FAM184B: variants seen among roughly 807,000 people sequenced by gnomAD.
FAM184B encodes family with sequence similarity 184 member B.
In FAM184B, 111 loss-of-function variants were observed where a neutral mutation model predicts 135.9. The ratio of observed to expected loss-of-function variants is 0.82; its 90% CI spans 0.70 to 0.96. The LOEUF is 0.96. Among genes scored for constraint, FAM184B ranks in the 40% least tolerant of loss-of-function variants. FAM184B has a pLI of 0.00. For missense variants in FAM184B, 1,375 were observed against 1,323.9 expected (o/e 1.04, Z -0.60); for synonymous variants, 552 against 524.8 (o/e 1.05, Z -0.71).
intron 1 of FAM184B, among the ~76,000 whole-genome samples, chr4:17,712,903 AATC>A (rs1369648691): frequency 2.0e-5 from 3 of 152,216 alleles, no homozygotes; most frequent in Admixed American, 1.3e-4. Flanking sequence ...TTCATTACAA[AATC>A]ATCATCGACG....
intron 6 of FAM184B, among the ~76,000 whole-genome samples, chr4:17,691,855 C>A (rs1716743383): frequency 6.6e-6 from 1 of 151,922 alleles, no homozygotes; most frequent in Non-Finnish European, 1.5e-5. Flanking sequence ...GAGACTGAGA[C>A]CATCCTGGCC....
chr4:17,693,074 A>G (rs1716772011), intron 6 of FAM184B, among the ~76,000 whole-genome samples: 1 of 151,936 alleles, frequency 6.6e-6, no homozygotes, highest in African/African-American at 2.4e-5. Context: ...AACCAACACC[A>G]GCGGCCTCCT....
intron 1 of FAM184B, among the ~76,000 whole-genome samples, chr4:17,751,986 G>A (rs1235725070): frequency 1.4e-5 from 2 of 148,014 alleles, no homozygotes; most frequent in Non-Finnish European, 3.0e-5. Flanking sequence ...AAAAAAAAAA[G>A]AACTGGCTGG....
intron 1 of FAM184B, among the ~76,000 whole-genome samples, chr4:17,738,606 C>A (rs1004561248): frequency 6.6e-6 from 1 of 151,988 alleles, no homozygotes. Context: ...GAGAACTGGG[C>A]CATGAACCCA....
chr4:17,639,560 TGTG>T (rs1348216838), intron 13 of FAM184B, among the ~76,000 whole-genome samples, 164 bp from the exon 14 acceptor site: 2 of 152,156 alleles, frequency 1.3e-5, no homozygotes, highest in Non-Finnish European at 2.9e-5. Flanking sequence ...TCTCTTGAGT[TGTG>T]GAGTCCAGGA....
chr4:17,691,659 CT>C (rs1192034327), intron 6 of FAM184B, among the ~76,000 whole-genome samples: 2 of 137,916 alleles, frequency 1.5e-5, no homozygotes, highest in African/African-American at 2.8e-5. Context: ...GCACTCCAGC[CT>C]GGGCGATAGA....
intron 1 of FAM184B, among the ~76,000 whole-genome samples, chr4:17,757,607 G>T (rs1718451141): frequency 6.6e-6 from 1 of 152,138 alleles, no homozygotes. Flanking sequence ...GATATAAAAT[G>T]ATTCAGGTGT....
Position 17,759,492 on chromosome 4 carries a change from TTTTTTTC to T in FAM184B, c.141+21660_141+21666del, listed in dbSNP as rs374135472. Among the ~76,000 whole-genome samples, 92 of 152,196 alleles carry T rather than the reference TTTTTTTC, an allele frequency of 6.0e-4. 1 individual carries two copies. Among genetic ancestry groups the T allele is most frequent in the Admixed American group, 1.4e-3 (22 of 15,276 alleles). On this transcript the variant is annotated intron_variant, in intron 1 of 17. Coordinates refer to ENST00000265018, the MANE Select transcript of FAM184B (RefSeq NM_015688.2). ...TACATTACCCAGTTTCAGGTATGTCTTTTTTTCTTTTTTCTTTTTTCTTTTTTTGAGA... is the reference window on the plus strand; with the variant it reads ...TACATTACCCAGTTTCAGGTATGTCTTTTTTTCTTTTTTCTTTTTTTGAGA...
intron 1 of FAM184B, among the ~76,000 whole-genome samples, chr4:17,724,505 C>A (rs926206968): frequency 1.3e-5 from 2 of 152,186 alleles, no homozygotes; most frequent in Non-Finnish European, 2.9e-5. Context: ...TGGTGAGAAA[C>A]CAAAATTGGT....
intron 7 of FAM184B, among the ~76,000 whole-genome samples, chr4:17,678,205 C>A (rs1716359215): frequency 6.6e-6 from 1 of 152,066 alleles, no homozygotes; most frequent in South Asian, 2.1e-4. Context: ...AAAGGGCATC[C>A]AAATCAGTAA....
chr4:17,705,937 G>C lies in FAM184B; in HGVS notation c.1031-46C>G, dbSNP rs1383470422. 3.2e-6 allele frequency: 5 copies of C among 1,549,442 alleles called. No individual in the cohort carries two copies. In the African/African-American group the frequency reaches 5.5e-5, roughly 17 times the overall value. The stretch of plus-strand genomic sequence containing the variant: ...ATTATTTGGAATGCTCTTGGCCATG[G>C]CCTCTTGTTCAAGGCTTTCTGCTGT... On this transcript the variant is annotated intron_variant, in intron 3 of 17. Transcript: ENST00000265018.
chr4:17,728,632 G>A (rs868176633), intron 1 of FAM184B, among the ~76,000 whole-genome samples: 1 of 152,306 alleles, frequency 6.6e-6, no homozygotes, highest in Middle Eastern at 3.4e-3. Flanking sequence ...AAGGAAGAGT[G>A]CTGCGGAAAT....
At chr4:17,742,164 ATATATT>A (rs1206728386) in intron 1 of FAM184B, among the ~76,000 whole-genome samples, 18 of 9,084 alleles carry the variant, frequency 2.0e-3, no homozygotes, top group Middle Eastern at 0.083. Context: ...ATATATATAT[ATATATT>A]TTTTTTTTTT....
At chr4:17,688,641 G>A (rs1290605447) in intron 6 of FAM184B, 110 bp from the exon 7 acceptor site, 8 of 555,190 alleles carry the variant, frequency 1.4e-5, no homozygotes, top group Non-Finnish European at 2.4e-5. Flanking sequence ...TGGGGAGAGT[G>A]CCCCATTAGA....
At chr4:17,672,186 C>T (rs1029919258) in intron 7 of FAM184B, among the ~76,000 whole-genome samples, 4 of 152,078 alleles carry the variant, frequency 2.6e-5, no homozygotes, top group African/African-American at 4.8e-5. Flanking sequence ...AGAACCCCCT[C>T]ATAAGACAAT....
intron 1 of FAM184B, among the ~76,000 whole-genome samples, chr4:17,766,019 C>T (rs1333180307): frequency 1.3e-5 from 2 of 152,216 alleles, no homozygotes; most frequent in Non-Finnish European, 2.9e-5. Context: ...AACAGTGAAG[C>T]TGCAGACCTT....
At chr4:17,679,682 C>G (rs954887397) in intron 7 of FAM184B, among the ~76,000 whole-genome samples, 1 of 152,124 alleles carries the variant, frequency 6.6e-6, no homozygotes, top group Non-Finnish European at 1.5e-5. Context: ...GGTATCTACC[C>G]TGAGGAAAAT....
In FAM184B at chr4:17,632,062, T is replaced by A. The variant is rs1714967694; in HGVS notation, c.*470A>T. On this transcript the variant is annotated 3_prime_UTR_variant, in exon 18 of 18. Transcript: ENST00000265018. ...ATGTCAATTTTTTTTTTTTTTTTTT[T>A]TTTTTTTTTTTTTTTTTTTTTTTTT... is the stretch of plus-strand genomic sequence containing the variant. 1 of 25,292 alleles carries A rather than the reference T, an allele frequency of 4.0e-5. No homozygotes were observed. The highest frequency in any genetic ancestry group is 1.4e-4 in the African/African-American group (1 of 7,106). The allele number at this position is 25,292 out of a possible 1,614,324, so 1.6% of individuals were successfully genotyped here.
intron 11 of FAM184B, among the ~76,000 whole-genome samples, chr4:17,650,307 T>A (rs1037350223): frequency 6.6e-6 from 1 of 152,074 alleles, no homozygotes; most frequent in Admixed American, 6.6e-5. Flanking sequence ...CACACAGATA[T>A]AAGAAGAAGA....
Sources: gnomAD v4.1 joint callset for allele counts (sites outside exome capture counted in the v4.1 genomes callset) on GRCh38, gnomAD v4.1.1 for gene constraint, MANE v1.5 for transcripts, NCBI Gene and HGNC (gene_info 2026-07-23, HGNC 2026-07-21) for gene names.